Variants in ABLIM1 observed in about 807,000 individuals in gnomAD.
ABLIM1 encodes actin-binding LIM protein 1.
Under a neutral mutation model 107.0 loss-of-function variants are expected in ABLIM1, and 40 were observed. The observed-to-expected ratio is 0.37, with a 90% CI of 0.29 to 0.49. The LOEUF (loss-of-function observed/expected upper bound fraction) is 0.49. ABLIM1 is among the 20% of genes least tolerant of loss of function. The probability of loss-of-function intolerance (pLI) is 0.97; values close to 1 mark genes in which losing one functional copy is unlikely to be tolerated. For synonymous variants in ABLIM1, 357 were observed against 357.3 expected (o/e 1.00, Z 0.01); for missense variants, 857 against 1,008.5 (o/e 0.85, Z 2.04).
At chr10:114,766,866 T>C (rs1468968053) in intron 1 of ABLIM1, among the ~76,000 whole-genome samples, 1 of 152,208 alleles carries the variant, frequency 6.6e-6, no homozygotes, top group Non-Finnish European at 1.5e-5. Flanking sequence ...TTCTCTAATA[T>C]ACGTGAATAA....
intron 1 of ABLIM1, among the ~76,000 whole-genome samples, chr10:114,727,726 G>A (rs1276783627): frequency 6.6e-6 from 1 of 152,206 alleles, no homozygotes; most frequent in Non-Finnish European, 1.5e-5. Context: ...AGGCCAAGGT[G>A]GGCAGATCAC....
chr10:114,764,149 T>C (rs910434889), intron 1 of ABLIM1, among the ~76,000 whole-genome samples: 2 of 152,194 alleles, frequency 1.3e-5, no homozygotes, highest in Non-Finnish European at 2.9e-5. Flanking sequence ...AATCAAAATA[T>C]AATGGATCCG....
At chr10:114,800,196 T>C in the ABLIM1 span, among the ~76,000 whole-genome samples, 1 of 152,338 alleles carries the variant, frequency 6.6e-6, no homozygotes, top group East Asian at 1.9e-4. Context: ...GGTAAGATCC[T>C]GTGACAGTCT....
chr10:114,545,247 C>A, intron 5 of ABLIM1, 149 bp from the exon 6 acceptor site: 1 of 717,884 alleles, frequency 1.4e-6, no homozygotes, highest in Non-Finnish European at 2.5e-6. Context: ...TCCAGTCAGA[C>A]CTGGCCAGAC....
intron 13 of ABLIM1, 149 bp from the exon 14 acceptor site, chr10:114,451,820 G>C (rs994052189): frequency 1.1e-4 from 75 of 713,904 alleles, no homozygotes. Flanking sequence ...TGAGTTTATT[G>C]AAAGAAAAAT....
At chr10:114,444,724 C>T (rs1283669646) in intron 16 of ABLIM1, among the ~76,000 whole-genome samples, 1 of 152,060 alleles carries the variant, frequency 6.6e-6, no homozygotes, top group African/African-American at 2.4e-5. Context: ...TTCCTATATG[C>T]TTAGAAAACA....
At chr10:114,729,190 C>A (rs574644519) in intron 1 of ABLIM1, among the ~76,000 whole-genome samples, 56 of 152,166 alleles carry the variant, frequency 3.7e-4, no homozygotes, top group Admixed American at 7.8e-4. Context: ...GAGCAAGTAG[C>A]AGAACTAAGA....
chr10:114,717,686 G>A (rs2081703432), intron 1 of ABLIM1, among the ~76,000 whole-genome samples: 5 of 152,150 alleles, frequency 3.3e-5, no homozygotes, highest in South Asian at 2.1e-4. Context: ...AGGCTGAAGC[G>A]GGTGGATCAC....
At chr10:114,532,594 G>A (rs1343469208) in intron 6 of ABLIM1, among the ~76,000 whole-genome samples, 1 of 152,144 alleles carries the variant, frequency 6.6e-6, no homozygotes, top group Non-Finnish European at 1.5e-5. Context: ...CTGGGCCCTG[G>A]GGAAAATTTC....
rs2065391201 is a variant in ABLIM1 at position 114,530,986 on chromosome 10, G to A, written c.894+14019C>T. Among the ~76,000 whole-genome samples the A allele has an allele frequency of 3.3e-5, 5 of 152,146 alleles. No homozygotes were observed. In the South Asian group the frequency reaches 1.0e-3, roughly 31 times the overall value. ...TTATTGAGCAGTTTTCAGATGCCTG[G>A]TAAAAAAGTAATTAAAAATACACCA... On this transcript the variant is annotated intron_variant, in intron 6 of 22. Transcript: ENST00000533213.
At chr10:114,780,206 T>C in the ABLIM1 span, among the ~76,000 whole-genome samples, 1 of 152,104 alleles carries the variant, frequency 6.6e-6, no homozygotes, top group African/African-American at 2.4e-5. Flanking sequence ...ATAAACAGTG[T>C]CCTTGAGAGC....
chr10:114,692,901 A>C (rs111634925), intron 1 of ABLIM1, among the ~76,000 whole-genome samples: 8,492 of 152,232 alleles, frequency 0.056, 744 homozygotes, highest in African/African-American at 0.19. Flanking sequence ...CACACACACA[A>C]AAAAAATGCA....
intron 6 of ABLIM1, among the ~76,000 whole-genome samples, chr10:114,504,578 T>G (rs1323239425): frequency 2.0e-5 from 3 of 152,148 alleles, no homozygotes; most frequent in African/African-American, 4.8e-5. Context: ...TAAGTGATGA[T>G]AATTTGAAAA....
At chr10:114,509,479 G>A (rs927812170) in intron 6 of ABLIM1, among the ~76,000 whole-genome samples, 2 of 151,940 alleles carry the variant, frequency 1.3e-5, no homozygotes, top group Non-Finnish European at 2.9e-5. Flanking sequence ...TCTGCCTCGG[G>A]GCCTCACTTG....
At chr10:114,774,979 C>T in the ABLIM1 span, among the ~76,000 whole-genome samples, 1 of 152,112 alleles carries the variant, frequency 6.6e-6, no homozygotes, top group Non-Finnish European at 1.5e-5. Flanking sequence ...AACGATACTA[C>T]CTGAGTCTGG....
At chr10:114,710,180 G>A (rs894777741) in intron 1 of ABLIM1, among the ~76,000 whole-genome samples, 1 of 152,148 alleles carries the variant, frequency 6.6e-6, no homozygotes, top group Admixed American at 6.5e-5. Flanking sequence ...ACTCAGTAGG[G>A]CTTTGGCAAC....
intron 10 of ABLIM1, among the ~76,000 whole-genome samples, chr10:114,469,558 C>A (rs1201431994): frequency 6.6e-6 from 1 of 152,214 alleles, no homozygotes; most frequent in African/African-American, 2.4e-5. Flanking sequence ...ATCTCCGTGA[C>A]CATTCTGTCC....
intron 1 of ABLIM1, among the ~76,000 whole-genome samples, chr10:114,641,578 G>C (rs1035837785): frequency 6.6e-6 from 1 of 152,224 alleles, no homozygotes; most frequent in East Asian, 1.9e-4. Flanking sequence ...GACAGAGACT[G>C]CTAGGGGGAG....
At chr10:114,566,116 G>C (rs2070710706) in intron 4 of ABLIM1, among the ~76,000 whole-genome samples, 1 of 152,104 alleles carries the variant, frequency 6.6e-6, no homozygotes, top group South Asian at 2.1e-4. Context: ...AATTCAGTCA[G>C]ACTAGAGCAT....
Sources: gnomAD v4.1 joint callset for allele counts (sites outside exome capture counted in the v4.1 genomes callset) on GRCh38, gnomAD v4.1.1 for gene constraint, MANE v1.5 for transcripts, NCBI Gene and HGNC (gene_info 2026-07-23, HGNC 2026-07-21) for gene names.